PHF14: variants seen among roughly 807,000 people sequenced by gnomAD.
PHF14 encodes the protein PHD finger protein 14.
Under a neutral mutation model 117.9 loss-of-function variants are expected in PHF14, and 55 were observed. That is an observed-to-expected ratio of 0.47 (90% confidence interval 0.38 to 0.58). PHF14 has a LOEUF of 0.58. Ranked by LOEUF, PHF14 falls within the 20% of genes least tolerant of loss-of-function variation. PHF14 has a pLI of 0.00. For synonymous variants in PHF14, 409 were observed against 368.6 expected (o/e 1.11, Z -1.26); for missense variants, 978 against 1,122.2 (o/e 0.87, Z 1.84).
intron 17 of PHF14, among the ~76,000 whole-genome samples, chr7:11,167,029 G>A (rs1789222929): frequency 6.6e-6 from 1 of 152,094 alleles, no homozygotes; most frequent in South Asian, 2.1e-4. Context: ...AATGGAAGTT[G>A]CAAATTTTTA....
At position 11,111,443 on chromosome 7, in the gene PHF14, G is replaced by A; in HGVS notation, c.2748G>A (p.Gln916=). 1 of 1,592,462 alleles carries A rather than the reference G, an allele frequency of 6.3e-7. No homozygotes were observed. The highest frequency in any genetic ancestry group is 8.6e-7 in the Non-Finnish European group (1 of 1,162,960). Reference sequence around the variant, plus strand: ...AGACAGGCTACGGATGGATATGTCAGGAATGTGATTCTTCATCTTCCAAGG... The same window carrying A: ...AGACAGGCTACGGATGGATATGTCAAGAATGTGATTCTTCATCTTCCAAGG... The part of the protein sequence containing the change: ...PKQTGYGWIC[Q]ECDSSSSKED... Residue 916 remains glutamine (Q), a synonymous_variant, in exon 17 of 18, where the codon CAG becomes CAA. Transcript: ENST00000634607.
chr7:10,974,320 C>G lies in PHF14; in HGVS notation c.-4C>G, dbSNP rs762900537. The stretch of plus-strand genomic sequence containing the variant: ...TCTCCAAACGACCACCTCACGGATT[C>G]CTTAGTAAGTGTATCCGAGGCCTCT... On this transcript the variant is annotated 5_prime_UTR_variant, in exon 1 of 18. Coordinates refer to ENST00000634607, the MANE Select transcript of PHF14 (RefSeq NM_001007157.2). 6.3e-7 allele frequency: 1 copy of G among 1,591,494 alleles called. No individual in the cohort carries two copies. Among genetic ancestry groups the G allele is most frequent in the Middle Eastern group, 1.7e-4 (1 of 6,038 alleles).
chr7:10,974,279 G>A lies in PHF14; in HGVS notation c.-45G>A. The A allele has an allele frequency of 6.4e-7, 1 of 1,567,984 alleles. No homozygotes were observed. Among genetic ancestry groups the A allele is most frequent in the Non-Finnish European group, 8.7e-7 (1 of 1,152,790 alleles). On this transcript the variant is annotated 5_prime_UTR_variant, in exon 1 of 18. Transcript: ENST00000634607. ...CCTCGGCGCTGCCTGGGCTCCTGCAGCCTCTCCCTAAGTCTTCTCCAAACG... is the reference window on the plus strand; with the variant it reads ...CCTCGGCGCTGCCTGGGCTCCTGCAACCTCTCCCTAAGTCTTCTCCAAACG...
chr7:11,033,012 C>T (rs971130840), intron 7 of PHF14, among the ~76,000 whole-genome samples: 1 of 151,920 alleles, frequency 6.6e-6, no homozygotes, highest in East Asian at 1.9e-4. Context: ...TAGAACCCAC[C>T]TCATGTGGTA....
At chr7:11,074,446 G>A (rs1442552739) in intron 16 of PHF14, among the ~76,000 whole-genome samples, 6 of 151,978 alleles carry the variant, frequency 3.9e-5, no homozygotes, top group Non-Finnish European at 7.4e-5. Context: ...TCCTGACCTC[G>A]TGATCCGCCT....
intron 16 of PHF14, among the ~76,000 whole-genome samples, chr7:11,070,930 C>G (rs1785595689): frequency 6.6e-6 from 1 of 152,056 alleles, no homozygotes; most frequent in South Asian, 2.1e-4. Flanking sequence ...TTACATAGTT[C>G]CTGATTTGTT....
At chr7:11,000,056 C>A (rs1011174746) in intron 4 of PHF14, among the ~76,000 whole-genome samples, 1 of 152,108 alleles carries the variant, frequency 6.6e-6, no homozygotes, top group Non-Finnish European at 1.5e-5. Flanking sequence ...AGTCTTTGAC[C>A]ACTTTAGGTG....
At chr7:11,076,290 G>A (rs1785846350) in intron 16 of PHF14, among the ~76,000 whole-genome samples, 1 of 152,132 alleles carries the variant, frequency 6.6e-6, no homozygotes, top group South Asian at 2.1e-4. Context: ...GCTAAATGGT[G>A]GCATCCCTTC....
At chr7:11,081,849 C>G (rs1304220213) in intron 16 of PHF14, among the ~76,000 whole-genome samples, 2 of 150,074 alleles carry the variant, frequency 1.3e-5, no homozygotes, top group African/African-American at 4.9e-5. Context: ...GAATGAGACT[C>G]CGTCTCAAAA....
At chr7:11,024,740 A>G (rs1338863115) in intron 6 of PHF14, among the ~76,000 whole-genome samples, 2 of 152,190 alleles carry the variant, frequency 1.3e-5, no homozygotes, top group Admixed American at 1.3e-4. Flanking sequence ...TTCCTTTCAA[A>G]AGATTACTGC....
chr7:11,059,778 A>C (rs1047962881), intron 14 of PHF14, among the ~76,000 whole-genome samples: 2 of 152,248 alleles, frequency 1.3e-5, no homozygotes, highest in Non-Finnish European at 2.9e-5. Context: ...CTGTCTAAAA[A>C]AAGAAAAAAG....
At chr7:11,091,002 G>A (rs1786622090) in intron 16 of PHF14, among the ~76,000 whole-genome samples, 1 of 152,126 alleles carries the variant, frequency 6.6e-6, no homozygotes, top group South Asian at 2.1e-4. Flanking sequence ...AGGTAGATTG[G>A]GGCCTTGAGT....
intron 5 of PHF14, among the ~76,000 whole-genome samples, chr7:11,022,212 T>A (rs1175435996): frequency 6.6e-6 from 1 of 152,184 alleles, no homozygotes; most frequent in East Asian, 1.9e-4. Flanking sequence ...CAAACTTTAA[T>A]AAATATTTAT....
intron 4 of PHF14, among the ~76,000 whole-genome samples, chr7:11,013,044 A>G (rs573160647): frequency 2.0e-5 from 3 of 152,168 alleles, no homozygotes; most frequent in Non-Finnish European, 4.4e-5. Context: ...TTTGTTTTGC[A>G]TGAGTTTGAT....
At chr7:11,075,124 A>C (rs1785782662) in intron 16 of PHF14, among the ~76,000 whole-genome samples, 1 of 151,894 alleles carries the variant, frequency 6.6e-6, no homozygotes, top group South Asian at 2.1e-4. Flanking sequence ...TTTTTAGAAG[A>C]GACAGAGTTT....
chr7:11,123,431 TATG>T (rs926569106), intron 17 of PHF14, among the ~76,000 whole-genome samples: 4 of 148,506 alleles, frequency 2.7e-5, no homozygotes, highest in African/African-American at 7.9e-5. Flanking sequence ...ATTCTGAAGA[TATG>T]ATTAAATATG....
chr7:11,168,535 A>T (rs1789277495), intron 17 of PHF14, among the ~76,000 whole-genome samples: 1 of 152,186 alleles, frequency 6.6e-6, no homozygotes, highest in African/African-American at 2.4e-5. Flanking sequence ...GGTATGTTTG[A>T]TGATATTGAT....
chr7:11,040,636 T>TAAAAC, intron 11 of PHF14, 36 bp from the exon 12 acceptor site: 3 of 1,141,410 alleles, frequency 2.6e-6, no homozygotes, highest in Non-Finnish European at 3.6e-6. Flanking sequence ...ATTTCTTTCT[T>TAAAAC]AAAACAATAT....
chr7:10,985,656 T>G (rs1782197548), intron 3 of PHF14, among the ~76,000 whole-genome samples: 1 of 132,652 alleles, frequency 7.5e-6, no homozygotes, highest in African/African-American at 2.9e-5. Flanking sequence ...TTTTTTTTTT[T>G]TTTTTTTTTT....
Sources: gnomAD v4.1 joint callset for allele counts (sites outside exome capture counted in the v4.1 genomes callset) on GRCh38, gnomAD v4.1.1 for gene constraint, MANE v1.5 for transcripts, NCBI Gene and HGNC (gene_info 2026-07-23, HGNC 2026-07-21) for gene names.